The following ZNF777 variants were observed in gnomAD, a reference collection of about 807,000 sequenced individuals.
ZNF777 encodes zinc finger protein 777.
ZNF777 carries 7 observed loss-of-function variants against 72.1 expected under a neutral mutation model. The ratio of observed to expected loss-of-function variants is 0.10; its 90% CI spans 0.06 to 0.18. The LOEUF is 0.18. Ranked by LOEUF, ZNF777 falls within the 10% of genes least tolerant of loss-of-function variation. The pLI is 1.00. For missense variants in ZNF777, 828 were observed against 1,128.6 expected, an observed-to-expected ratio of 0.73 and a Z score of 3.82; for synonymous variants, 545 against 483.5, an observed-to-expected ratio of 1.13 and a Z score of -1.67.
rs774108087 is a variant in ZNF777, at chr7:149,431,623, A to G, written c.*153T>C. 66 of 806,048 alleles carry G rather than the reference A, an allele frequency of 8.2e-5. No homozygotes were observed. The highest frequency in any genetic ancestry group is 1.0e-4 in the Non-Finnish European group (59 of 565,628). 49.9% of individuals were successfully genotyped at this position (806,048 alleles called of 1,614,324 possible). On this transcript the variant is annotated 3_prime_UTR_variant, in exon 6 of 6. Coordinates refer to ENST00000247930, the MANE Select transcript of ZNF777 (RefSeq NM_015694.3). The stretch of plus-strand genomic sequence containing the variant: ...CAAGGGACCTGGTCTCACTGCCCCC[A>G]TGTCCTTGGGAGGAGGGACGAGAGG...
rs201016475 is a variant in ZNF777 at position 149,431,895 on chromosome 7, G to A, written c.2377C>T (p.Leu793=). ...CGKRFTQKHH[L]LEHQRAHTGE... ...GTGTGCGCGCGCTGGTGCTCCAGCA[G>A]GTGATGCTTCTGCGTGAAGCGCTTG... The change falls in exon 6 of 6, where the codon CTG becomes TTG. Residue 793 remains leucine (L), a synonymous_variant. Transcript: ENST00000247930. The A allele has an allele frequency of 7.8e-5, 126 of 1,608,308 alleles. No individual in the cohort carries two copies. The African/African-American group carries it at 1.0e-3, about 13-fold the overall frequency.
intron 1 of ZNF777, 126 bp from the exon 2 acceptor site, chr7:149,456,163 T>C: frequency 1.0e-6 from 1 of 990,430 alleles, no homozygotes; most frequent in Non-Finnish European, 1.4e-6. Flanking sequence ...GTGCCCCTCA[T>C]ATGTGAATCT....
rs1480672564 is a variant in ZNF777, at chr7:149,444,260, C to T, written c.1087+6739G>A. Among the ~76,000 whole-genome samples, 4 of 152,200 alleles carry T rather than the reference C, an allele frequency of 2.6e-5. No homozygotes were observed. The South Asian group carries it at 6.2e-4, about 24-fold the overall frequency. Reference sequence around the variant, plus strand: ...CTTCTTGCTTTCCCTAGATCTGACACTTATTTCTTTTGCCCAGCTTACGAC... The same window carrying T: ...CTTCTTGCTTTCCCTAGATCTGACATTTATTTCTTTTGCCCAGCTTACGAC... On this transcript the variant is annotated intron_variant, in intron 4 of 5. Transcript: ENST00000247930.
Position 149,455,152 on chromosome 7 carries a change from G to A in ZNF777, c.846+25C>T. 1 of 1,589,776 alleles carries A rather than the reference G, an allele frequency of 6.3e-7. No homozygotes were observed. Among genetic ancestry groups the A allele is most frequent in the Non-Finnish European group, 8.5e-7 (1 of 1,169,918 alleles). ...ACTCCAATTCAGATCACTTCCTTGG[G>A]AAGCCCCAGTTGGGATGTGCTTACC... On this transcript the variant is annotated intron_variant, in intron 2 of 5. Transcript: ENST00000247930. This position sits in a 1 kb window ranked among gnomAD's most constrained non-coding sequence, Gnocchi z 4.2.
chr7:149,442,478 T>C (rs1799537557), intron 4 of ZNF777, among the ~76,000 whole-genome samples: 1 of 149,758 alleles, frequency 6.7e-6, no homozygotes, highest in Non-Finnish European at 1.5e-5. Flanking sequence ...AAATTAGCCA[T>C]GCATGGTGGT....
At chr7:149,438,342 A>T (rs979947735) in intron 4 of ZNF777, among the ~76,000 whole-genome samples, 5 of 152,222 alleles carry the variant, frequency 3.3e-5, no homozygotes, top group African/African-American at 1.2e-4. Flanking sequence ...AAAATGCTGT[A>T]TATATTCCAT....
Position 149,454,619 on chromosome 7 carries a change from T to C in ZNF777, c.847-382A>G, listed in dbSNP as rs1799785297. On this transcript the variant is annotated intron_variant, in intron 2 of 5. Coordinates refer to ENST00000247930, the MANE Select transcript of ZNF777 (RefSeq NM_015694.3). The stretch of plus-strand genomic sequence containing the variant: ...AGTCTGTTTTCTCCCTACATATGGC[T>C]GTGAAAGGGGGCAGCAGCACTGAAG... Among the ~76,000 whole-genome samples the C allele has an allele frequency of 1.3e-5, 2 of 152,172 alleles. 1 individual carries two copies. The highest frequency in any genetic ancestry group is 4.8e-5 in the African/African-American group (2 of 41,442).
chr7:149,453,272 A>T (rs1240868898), intron 3 of ZNF777, among the ~76,000 whole-genome samples: 6 of 152,222 alleles, frequency 3.9e-5, no homozygotes, highest in African/African-American at 1.4e-4. Context: ...CAATTAAAAA[A>T]CACAATTAAA....
intron 3 of ZNF777, among the ~76,000 whole-genome samples, chr7:149,453,370 C>T (rs2116603160): frequency 6.6e-6 from 1 of 152,270 alleles, no homozygotes; most frequent in Middle Eastern, 3.4e-3. Context: ...ATCAAAGTTT[C>T]TATGTGACAA....
Position 149,436,782 on chromosome 7 carries a change from C to T in ZNF777, c.1132G>A (p.Glu378Lys), listed in dbSNP as rs1444553475. 3.1e-6 allele frequency: 5 copies of T among 1,614,040 alleles called. No homozygotes were observed. Among genetic ancestry groups the T allele is most frequent in the Non-Finnish European group, 4.2e-6 (5 of 1,179,974 alleles). ...VIKIEVQTND[E>K]GSESLETPEP... ...GGTGTCTCCAAACTTTCTGAGCCCT[C>T]GTCGTTGGTCTGTACCTCGATCTTA... is the stretch of plus-strand genomic sequence containing the variant. The change falls in exon 5 of 6, where the codon GAG (glutamate) becomes AAG (lysine). Residue 378 changes from glutamate (E) to lysine (K), a missense_variant. Glu to Lys is a moderately conservative substitution (Grantham distance 56, BLOSUM62 1). This residue lies in a region of ZNF777 where 219 missense variants were observed against 223.0 expected (regional missense o/e 0.98). Coordinates refer to ENST00000247930, the MANE Select transcript of ZNF777 (RefSeq NM_015694.3). This position sits in a 1 kb window ranked among gnomAD's most constrained non-coding sequence, Gnocchi z 5.0.
rs199628781 is a variant in ZNF777, at chr7:149,455,582, G to A, written c.441C>T (p.Pro147=). 1.4e-4 allele frequency: 221 copies of A among 1,613,446 alleles called. No individual in the cohort carries two copies. The East Asian group carries it at 3.0e-3, about 22-fold the overall frequency. Residue 147 remains proline (P), a synonymous_variant, in exon 2 of 6, where the codon CCC becomes CCT. Coordinates refer to ENST00000247930, the MANE Select transcript of ZNF777 (RefSeq NM_015694.3). The surrounding 1 kb of genome is among the most constrained non-coding windows in gnomAD (Gnocchi z 4.2). ...GGAGCAGCGGGTCCATGTCAGTCTC[G>A]GGAACTGTTGGGGAAAGGGTCAGGG... ...KDPLTLSPTV[P]ETDMDPLLQS... is the part of the protein sequence containing the mutation.
Position 149,454,331 on chromosome 7 carries a change from C to T in ZNF777, c.847-94G>A. The T allele has an allele frequency of 3.3e-6, 5 of 1,537,166 alleles. No homozygotes were observed. In the Admixed American group the frequency reaches 7.3e-5, roughly 22 times the overall value. ...CAAGGCCCAAACTCCTGGCTCTGGG[C>T]CTTCACCTAGGACTTTTCTAGAAGT... On this transcript the variant is annotated intron_variant, in intron 2 of 5. Coordinates refer to ENST00000247930, the MANE Select transcript of ZNF777 (RefSeq NM_015694.3).
Position 149,455,693 on chromosome 7 carries a change from A to G in ZNF777, c.330T>C (p.Ala110=). 1 of 1,567,864 alleles carries G rather than the reference A, an allele frequency of 6.4e-7. No individual in the cohort carries two copies. Among genetic ancestry groups the G allele is most frequent in the Non-Finnish European group, 8.6e-7 (1 of 1,157,466 alleles). Residue 110 remains alanine, a synonymous_variant, in exon 2 of 6, where the codon GCT becomes GCC. Coordinates refer to ENST00000247930, the MANE Select transcript of ZNF777 (RefSeq NM_015694.3). The surrounding 1 kb of genome is among the most constrained non-coding windows in gnomAD (Gnocchi z 4.2). ...QEGTQYPPPA[A]AEQEVSLLSH... ...AGAGAAGGGAGACTTCTTGTTCAGC[A>G]GCAGCTGGGGGTGGATACTGGGTCC...
At chr7:149,443,612 A>T (rs915351791) in intron 4 of ZNF777, among the ~76,000 whole-genome samples, 2 of 152,166 alleles carry the variant, frequency 1.3e-5, no homozygotes, top group African/African-American at 4.8e-5. Flanking sequence ...AGGCTAGTGG[A>T]ACATAGTTGA....
At chr7:149,441,058 TAC>T (rs760130207) in intron 4 of ZNF777, among the ~76,000 whole-genome samples, 9 of 152,188 alleles carry the variant, frequency 5.9e-5, no homozygotes, top group Non-Finnish European at 1.2e-4. Flanking sequence ...AGGCAGTATG[TAC>T]ACACTTTCAC....
In ZNF777 at chr7:149,442,588, C is replaced by T. The variant is rs6945555; in HGVS notation, c.1088-5762G>A. 4.3e-3 allele frequency among the ~76,000 whole-genome samples: 653 copies of T among 151,584 alleles called. 2 individuals carry two copies. Among genetic ancestry groups the T allele is most frequent in the African/African-American group, 0.015 (620 of 41,310 alleles). On this transcript the variant is annotated intron_variant, in intron 4 of 5. Transcript: ENST00000247930. ...TGAGCTGAGATAGCGCCACTGCACT[C>T]CAGCCTGGGCAACAGAGTGAGACTC... is the stretch of plus-strand genomic sequence containing the variant.
intron 4 of ZNF777, among the ~76,000 whole-genome samples, chr7:149,437,654 T>G (rs539700105): frequency 6.6e-6 from 1 of 152,286 alleles, no homozygotes; most frequent in Non-Finnish European, 1.5e-5. Flanking sequence ...AGTGCAGTAT[T>G]TTTTTCCATC....
chr7:149,455,379 G>A lies in ZNF777; in HGVS notation c.644C>T (p.Thr215Ile), dbSNP rs1202909846. ...RLLTLEGRTGTNEKKIADCEK... is the reference protein window; with the variant it reads ...RLLTLEGRTGINEKKIADCEK... The stretch of plus-strand genomic sequence containing the variant: ...GCAGTCGGCTATCTTCTTTTCATTT[G>A]TCCCCGTCCTGCCTTCCAGGGTCAG... Residue 215 changes from threonine (T) to isoleucine (I), a missense_variant, in exon 2 of 6, where the codon ACA becomes ATA. Physicochemically the swap from Thr to Ile is moderately conservative, Grantham distance 89. This residue lies in a region of ZNF777 where 76 missense variants were observed against 157.3 expected (regional missense o/e 0.48). Coordinates refer to ENST00000247930, the MANE Select transcript of ZNF777 (RefSeq NM_015694.3). The surrounding 1 kb of genome is among the most constrained non-coding windows in gnomAD (Gnocchi z 4.2). 2 of 1,614,146 alleles carry A rather than the reference G, an allele frequency of 1.2e-6. No homozygotes were observed. Among genetic ancestry groups the A allele is most frequent in the South Asian group, 2.2e-5 (2 of 91,084 alleles).
At chr7:149,440,144 T>C (rs1281814676) in intron 4 of ZNF777, among the ~76,000 whole-genome samples, 1 of 152,226 alleles carries the variant, frequency 6.6e-6, no homozygotes, top group Non-Finnish European at 1.5e-5. Context: ...TCTAATGACC[T>C]ATTAGCTCAC....
Sources: gnomAD v4.1 joint callset for allele counts (sites outside exome capture counted in the v4.1 genomes callset) on GRCh38, gnomAD v4.1.1 for gene constraint, gnomAD v4.1.1 regional missense constraint, Gnocchi (gnomAD v3.1) non-coding constraint, MANE v1.5 for transcripts, NCBI Gene and HGNC (gene_info 2026-07-23, HGNC 2026-07-21) for gene names.